The following ADK variants were observed in gnomAD, a reference collection of about 807,000 sequenced individuals.
ADK encodes N6,N6-dimethyladenosine kinase.
In ADK, 24 loss-of-function variants were observed where a neutral mutation model predicts 44.7. The observed-to-expected ratio is 0.54, with a 90% confidence interval of 0.39 to 0.76. ADK has a LOEUF of 0.76. Among genes scored for constraint, ADK ranks in the 30% least tolerant of loss-of-function variants. The probability of loss-of-function intolerance (pLI) is 0.00; values close to 1 mark genes in which losing one functional copy is unlikely to be tolerated. For missense variants in ADK, 321 were observed against 425.1 expected, an observed-to-expected ratio of 0.76 and a Z score of 2.15; for synonymous variants, 128 against 142.6, an observed-to-expected ratio of 0.90 and a Z score of 0.73.
intron 9 of ADK, among the ~76,000 whole-genome samples, chr10:74,602,322 C>G (rs1852169438): frequency 6.6e-6 from 1 of 152,120 alleles, no homozygotes; most frequent in Admixed American, 6.5e-5. Flanking sequence ...TTATTCCTGT[C>G]TTAGCAGTGG....
intron 6 of ADK, among the ~76,000 whole-genome samples, chr10:74,493,298 C>G (rs182176609): frequency 6.6e-6 from 1 of 151,926 alleles, no homozygotes; most frequent in Non-Finnish European, 1.5e-5. Flanking sequence ...CCTCCCACCT[C>G]AGGCCTCCCT....
chr10:74,530,832 T>C (rs908270988), intron 7 of ADK, among the ~76,000 whole-genome samples: 6 of 151,894 alleles, frequency 4.0e-5, no homozygotes, highest in Non-Finnish European at 8.8e-5. Flanking sequence ...GGCTGAGGCA[T>C]GAGAATTACT....
At chr10:74,333,399 G>A (rs1592060042) in intron 4 of ADK, among the ~76,000 whole-genome samples, 2 of 152,172 alleles carry the variant, frequency 1.3e-5, no homozygotes, top group Admixed American at 6.5e-5. Context: ...ATGAGCATTA[G>A]TAATCCAGTC....
At chr10:74,194,878 T>G (rs1843066359) in intron 1 of ADK, among the ~76,000 whole-genome samples, 1 of 152,228 alleles carries the variant, frequency 6.6e-6, no homozygotes, top group Non-Finnish European at 1.5e-5. Context: ...GCATCATAAT[T>G]AAATGTTTCT....
At chr10:74,385,039 G>A (rs940243428) in intron 4 of ADK, among the ~76,000 whole-genome samples, 2 of 152,190 alleles carry the variant, frequency 1.3e-5, no homozygotes. Context: ...TGGAGTGACA[G>A]AGAGAATGGG....
At chr10:74,522,038 CAT>C (rs901551434) in intron 6 of ADK, among the ~76,000 whole-genome samples, 2 of 152,112 alleles carry the variant, frequency 1.3e-5, no homozygotes, top group African/African-American at 4.8e-5. Context: ...GAAAAAGTAA[CAT>C]ATTTTCCTCA....
chr10:74,575,667 G>A (rs1851159077), intron 7 of ADK, among the ~76,000 whole-genome samples: 1 of 152,188 alleles, frequency 6.6e-6, no homozygotes, highest in Non-Finnish European at 1.5e-5. Context: ...GATCTGGCTG[G>A]AAAGGAAAAG....
chr10:74,230,396 A>G (rs1342229816), intron 3 of ADK, among the ~76,000 whole-genome samples: 1 of 152,086 alleles, frequency 6.6e-6, no homozygotes, highest in Non-Finnish European at 1.5e-5. Context: ...TAAGGACAGT[A>G]CTAGACCAGA....
At chr10:74,271,874 A>G (rs185780921) in intron 3 of ADK, among the ~76,000 whole-genome samples, 2 of 152,188 alleles carry the variant, frequency 1.3e-5, no homozygotes, top group Non-Finnish European at 2.9e-5. Flanking sequence ...ATATTTTCAT[A>G]TTAGCTTGAA....
intron 6 of ADK, among the ~76,000 whole-genome samples, chr10:74,472,272 A>G (rs997603354): frequency 3.9e-5 from 6 of 152,090 alleles, no homozygotes; most frequent in African/African-American, 1.2e-4. Flanking sequence ...TCTGTTTTTT[A>G]CCATCGAGTA....
At chr10:74,686,163 C>G (rs1221439419) in intron 10 of ADK, among the ~76,000 whole-genome samples, 1 of 151,972 alleles carries the variant, frequency 6.6e-6, no homozygotes, top group Non-Finnish European at 1.5e-5. Context: ...GAGGTTTCAC[C>G]ATGTTAGCCA....
rs928443967 is a variant in ADK at position 74,513,364 on chromosome 10, C to T, written c.556-11892C>T. On this transcript the variant is annotated intron_variant, in intron 6 of 10. Coordinates refer to ENST00000539909, the MANE Select transcript of ADK (RefSeq NM_006721.4). ...GAGAGTGGGATGTTGAAGTCCCCAA[C>T]TGTTATTTCACTTTAGATCTAATAA... 6.6e-5 allele frequency among the ~76,000 whole-genome samples: 10 copies of T among 152,196 alleles called. No homozygotes were observed. The East Asian group carries it at 1.7e-3, about 26-fold the overall frequency.
chr10:74,372,085 G>A (rs142981719), intron 4 of ADK: 82 of 753,634 alleles, frequency 1.1e-4, no homozygotes, highest in African/African-American at 6.1e-4. Context: ...GAAGGTTTGC[G>A]CGCGTGTGGC....
intron 2 of ADK, among the ~76,000 whole-genome samples, chr10:74,201,771 G>T (rs1206314980): frequency 2.0e-5 from 3 of 151,276 alleles, no homozygotes; most frequent in Non-Finnish European, 4.4e-5. Flanking sequence ...ATACCCACTG[G>T]TCATCTTACA....
intron 1 of ADK, among the ~76,000 whole-genome samples, chr10:74,187,060 G>GT (rs903065418): frequency 0.014 from 2,128 of 147,902 alleles, 47 homozygotes; most frequent in African/African-American, 0.048. Context: ...ATTCCCACCA[G>GT]TTTTTTTTTT....
At chr10:74,412,016 A>G (rs1167339913) in intron 6 of ADK, among the ~76,000 whole-genome samples, 1 of 152,168 alleles carries the variant, frequency 6.6e-6, no homozygotes, top group Non-Finnish European at 1.5e-5. Flanking sequence ...ATTCAGTCCT[A>G]TCTTCAGGCT....
rs1592013541 is a variant in ADK, at chr10:74,302,105, GTTTGTTTTTTTTTTTT to G, written c.195-12558_195-12543del. Reference sequence around the variant, plus strand: ...TTTCTTTTCTGTTTTTTTTTTGTTTGTTTGTTTTTTTTTTTTTTTTTTTTTTTTTTTTTTTTTTTTT... The same window carrying G: ...TTTCTTTTCTGTTTTTTTTTTGTTTGTTTTTTTTTTTTTTTTTTTTTTTTT... On this transcript the variant is annotated intron_variant, in intron 3 of 10. Coordinates refer to ENST00000539909, the MANE Select transcript of ADK (RefSeq NM_006721.4). Among the ~76,000 whole-genome samples, 24 of 88,912 alleles carry G rather than the reference GTTTGTTTTTTTTTTTT, an allele frequency of 2.7e-4. 4 individuals are homozygous for G. The highest frequency in any genetic ancestry group is 8.9e-4 in the Admixed American group (7 of 7,854). 58.3% of individuals were successfully genotyped at this position (88,912 alleles called of 152,430 possible). A position where few individuals can be genotyped will look rare whatever the true frequency, so the allele number is the denominator to read the frequency against.
chr10:74,571,554 A>C (rs1850964958), intron 7 of ADK, among the ~76,000 whole-genome samples: 1 of 152,140 alleles, frequency 6.6e-6, no homozygotes, highest in Admixed American at 6.5e-5. Context: ...CATTTCTTCT[A>C]GATTTTCTAG....
chr10:74,567,213 G>A (rs1291570474), intron 7 of ADK, among the ~76,000 whole-genome samples: 3 of 152,050 alleles, frequency 2.0e-5, no homozygotes, highest in Admixed American at 2.0e-4. Context: ...CTGTATCTTG[G>A]AATTTGTCAT....
Sources: gnomAD v4.1 joint callset for allele counts (sites outside exome capture counted in the v4.1 genomes callset) on GRCh38, gnomAD v4.1.1 for gene constraint, MANE v1.5 for transcripts, NCBI Gene and HGNC (gene_info 2026-07-23, HGNC 2026-07-21) for gene names.